The following MFSD6 variants were observed in gnomAD, a reference collection of about 807,000 sequenced individuals.
MFSD6 encodes major facilitator superfamily domain containing 6.
MFSD6 carries 26 observed loss-of-function variants against 56.3 expected under a neutral mutation model. That is an observed-to-expected ratio of 0.46 (90% CI 0.34 to 0.64). MFSD6 has a LOEUF of 0.64. Among genes scored for constraint, MFSD6 ranks in the 30% least tolerant of loss-of-function variants. The pLI, the probability that MFSD6 is intolerant of heterozygous loss-of-function variation, is 0.01. For synonymous variants in MFSD6, 331 were observed against 366.9 expected (o/e 0.90, Z 1.12); for missense variants, 750 against 986.2 (o/e 0.76, Z 3.21).
In MFSD6 at chr2:190,462,791, C is replaced by T. The variant is rs1352170515; in HGVS notation, c.1533-6967C>T. Among the ~76,000 whole-genome samples, 1 of 152,198 alleles carries T rather than the reference C, an allele frequency of 6.6e-6. No individual in the cohort carries two copies. Among genetic ancestry groups the T allele is most frequent in the Non-Finnish European group, 1.5e-5 (1 of 68,026 alleles). ...TTGGAAAAAGGGAGAGAGATACTGT[C>T]AGCCCTGCTACTTCTAGATAAGCAC... On this transcript the variant is annotated intron_variant, in intron 3 of 7. Coordinates refer to ENST00000392328, the MANE Select transcript of MFSD6 (RefSeq NM_017694.4). The surrounding 1 kb of genome is among the most constrained non-coding windows in gnomAD (Gnocchi z 5.7).
rs373567382 is a variant in MFSD6, at chr2:190,488,793, C to T, written c.1767C>T (p.Ile589=). The T allele has an allele frequency of 7.5e-6, 12 of 1,591,222 alleles. No homozygotes were observed. Among genetic ancestry groups the T allele is most frequent in the African/African-American group, 1.4e-5 (1 of 73,786 alleles). ...TGGGAAGAGGATGTGGTGCCATGAT[C>T]GGAGGCGTGTTAGTCAATTATTTTG... The part of the protein sequence containing the change: ...LGLGRGCGAM[I]GGVLVNYFGA... Residue 589 remains isoleucine, a synonymous_variant, in exon 5 of 8, where the codon ATC becomes ATT. Coordinates refer to ENST00000392328, the MANE Select transcript of MFSD6 (RefSeq NM_017694.4). The surrounding 1 kb of genome is among the most constrained non-coding windows in gnomAD (Gnocchi z 6.4).
chr2:190,489,965 A>C lies in MFSD6; in HGVS notation c.1891+99A>C. On this transcript the variant is annotated intron_variant, in intron 6 of 7. Transcript: ENST00000392328. The surrounding 1 kb of genome is among the most constrained non-coding windows in gnomAD (Gnocchi z 6.6). ...CTAGAAGTGGTACAGAGTATACAAC[A>C]GGTCTGTTTGGCTCAATTTTCTGAG... 4 of 995,658 alleles carry C rather than the reference A, an allele frequency of 4.0e-6. No individual in the cohort carries two copies. Among genetic ancestry groups the C allele is most frequent in the South Asian group, 1.8e-5 (1 of 54,622 alleles). The allele number at this position is 995,658 out of a possible 1,614,324, so 61.7% of individuals were successfully genotyped here. A position where few individuals can be genotyped will look rare whatever the true frequency, so the allele number is the denominator to read the frequency against.
rs1687929943 is a variant in MFSD6, at chr2:190,471,540, G to T, written c.1630+1685G>T. On this transcript the variant is annotated intron_variant, in intron 4 of 7. Coordinates refer to ENST00000392328, the MANE Select transcript of MFSD6 (RefSeq NM_017694.4). This position sits in a 1 kb window ranked among gnomAD's most constrained non-coding sequence, Gnocchi z 4.7. ...AACTGCAAGGCGGCAGTGAGGCTGG[G>T]GGAGGGGCACCCGCCATTGCTGAGG... 6.6e-6 allele frequency among the ~76,000 whole-genome samples: 1 copy of T among 152,226 alleles called. No individual in the cohort carries two copies. The highest frequency in any genetic ancestry group is 1.5e-5 in the Non-Finnish European group (1 of 68,042).
Position 190,499,775 on chromosome 2 carries a change from T to C in MFSD6, c.2173-240T>C. 6.8e-7 allele frequency: 1 copy of C among 1,461,744 alleles called. No homozygotes were observed. The highest frequency in any genetic ancestry group is 9.2e-7 in the Non-Finnish European group (1 of 1,089,960). The allele number at this position is 1,461,744 out of a possible 1,614,324, so 90.5% of individuals were successfully genotyped here. ...ACAGACATTTTGGTAGTAATGTTCC[T>C]TTTTCCACAAGACACGTCTGCTTAT... On this transcript the variant is annotated intron_variant, in intron 7 of 7. Coordinates refer to ENST00000392328, the MANE Select transcript of MFSD6 (RefSeq NM_017694.4). The surrounding 1 kb of genome is among the most constrained non-coding windows in gnomAD (Gnocchi z 6.0).
Position 190,459,806 on chromosome 2 carries a change from A to G in MFSD6, c.1533-9952A>G, listed in dbSNP as rs1687228820. On this transcript the variant is annotated intron_variant, in intron 3 of 7. Transcript: ENST00000392328. This position sits in a 1 kb window ranked among gnomAD's most constrained non-coding sequence, Gnocchi z 5.3. ...TGATTTCCAGCTAGTAGAGACTCAG[A>G]CCCAAATTACTTTTACCTTTTCTCT... Among the ~76,000 whole-genome samples, 1 of 152,232 alleles carries G rather than the reference A, an allele frequency of 6.6e-6. No homozygotes were observed. Among genetic ancestry groups the G allele is most frequent in the Admixed American group, 6.5e-5 (1 of 15,286 alleles).
chr2:190,486,532 A>G (rs1430159508), intron 4 of MFSD6, among the ~76,000 whole-genome samples: 1 of 152,176 alleles, frequency 6.6e-6, no homozygotes, highest in Non-Finnish European at 1.5e-5. Flanking sequence ...ATCAGTCAGT[A>G]AACTAAAGCT....
At chr2:190,455,202 T>C (rs1003691590) in intron 3 of MFSD6, among the ~76,000 whole-genome samples, 3 of 152,160 alleles carry the variant, frequency 2.0e-5, no homozygotes, top group South Asian at 2.1e-4. Flanking sequence ...ACTAGTATCA[T>C]TGCTATTTTA....
In MFSD6 at chr2:190,412,786, C is replaced by A. The variant is rs1284126964; in HGVS notation, c.-175-2506C>A. ...GAATGATACGTTATCCAGTACTTAG[C>A]CCCACTGCTGGATTCAGTAACATTT... On this transcript the variant is annotated intron_variant, in intron 1 of 7. Coordinates refer to ENST00000392328, the MANE Select transcript of MFSD6 (RefSeq NM_017694.4). This position sits in a 1 kb window ranked among gnomAD's most constrained non-coding sequence, Gnocchi z 4.1. Among the ~76,000 whole-genome samples the A allele has an allele frequency of 6.6e-6, 1 of 152,154 alleles. No individual in the cohort carries two copies. The highest frequency in any genetic ancestry group is 2.4e-5 in the African/African-American group (1 of 41,434).
chr2:190,466,680 T>C (rs913521831), intron 3 of MFSD6, among the ~76,000 whole-genome samples: 1 of 152,226 alleles, frequency 6.6e-6, no homozygotes, highest in African/African-American at 2.4e-5. Context: ...CCACTTGATA[T>C]ATGAGGAAAC....
At position 190,416,694 on chromosome 2, in the gene MFSD6, C is replaced by CA. The variant is rs1164806421; in HGVS notation, c.-54+1283dup. ...TAATGAAATATCTGGAATAAAACTA[C>CA]AACTACCAGCAACACCAAATGTTCA... On this transcript the variant is annotated intron_variant, in intron 2 of 7. Transcript: ENST00000392328. This position sits in a 1 kb window ranked among gnomAD's most constrained non-coding sequence, Gnocchi z 4.1. 1.2e-4 allele frequency among the ~76,000 whole-genome samples: 18 copies of CA among 152,166 alleles called. No individual in the cohort carries two copies. Among genetic ancestry groups the CA allele is most frequent in the Non-Finnish European group, 2.9e-5 (2 of 68,026 alleles).
rs1243739222 is a variant in MFSD6 at position 190,436,649 on chromosome 2, A to G, written c.620A>G (p.Asn207Ser). The part of the protein sequence containing the change: ...EKRNLLETRL[N>S]VSDTVTLPTA... Reference sequence around the variant, plus strand: ...AGAAACCTTTTGGAAACAAGGCTCAATGTCTCAGACACCGTTACTTTGCCA... The same window carrying G: ...AGAAACCTTTTGGAAACAAGGCTCAGTGTCTCAGACACCGTTACTTTGCCA... The change falls in exon 3 of 8, where the codon AAT (asparagine) becomes AGT (serine). Residue 207 changes from asparagine (N) to serine (S), a missense_variant. Asn to Ser is a conservative substitution (Grantham distance 46). Transcript: ENST00000392328. The surrounding 1 kb of genome is among the most constrained non-coding windows in gnomAD (Gnocchi z 5.3). The G allele has an allele frequency of 1.9e-6, 3 of 1,614,218 alleles. No individual in the cohort carries two copies. Among genetic ancestry groups the G allele is most frequent in the South Asian group, 1.1e-5 (1 of 91,088 alleles).
intron 2 of MFSD6, among the ~76,000 whole-genome samples, chr2:190,422,613 T>A (rs972457433): frequency 6.6e-6 from 1 of 152,204 alleles, no homozygotes; most frequent in African/African-American, 2.4e-5. Flanking sequence ...AAATATTTTA[T>A]ACTCTGAAAG....
intron 1 of MFSD6, chr2:190,411,712 AAAGG>A (rs1690573215): frequency 2.0e-6 from 2 of 985,316 alleles, no homozygotes; most frequent in Non-Finnish European, 2.4e-6. Flanking sequence ...GATCAAAGTG[AAAGG>A]TGGCATACTG....
Position 190,423,700 on chromosome 2 carries a change from A to G in MFSD6, c.-54+8287A>G, listed in dbSNP as rs1266097917. Among the ~76,000 whole-genome samples the G allele has an allele frequency of 6.6e-6, 1 of 152,170 alleles. No homozygotes were observed. The highest frequency in any genetic ancestry group is 1.5e-5 in the Non-Finnish European group (1 of 68,012). Reference sequence around the variant, plus strand: ...TTATGGTAATCATGTATTTAGTTTTATTAGAAACTGCTAAACTGCTTTCTA... The same window carrying G: ...TTATGGTAATCATGTATTTAGTTTTGTTAGAAACTGCTAAACTGCTTTCTA... On this transcript the variant is annotated intron_variant, in intron 2 of 7. Coordinates refer to ENST00000392328, the MANE Select transcript of MFSD6 (RefSeq NM_017694.4). The surrounding 1 kb of genome is among the most constrained non-coding windows in gnomAD (Gnocchi z 4.3).
chr2:190,478,226 T>A (rs1000648078), intron 4 of MFSD6, among the ~76,000 whole-genome samples: 2 of 152,180 alleles, frequency 1.3e-5, no homozygotes, highest in African/African-American at 4.8e-5. Flanking sequence ...GAAACCTAGC[T>A]ACTGGTCTGA....
rs1689291248 is a variant in MFSD6, at chr2:190,490,608, C to G, written c.1891+742C>G. On this transcript the variant is annotated intron_variant, in intron 6 of 7. Coordinates refer to ENST00000392328, the MANE Select transcript of MFSD6 (RefSeq NM_017694.4). The surrounding 1 kb of genome is among the most constrained non-coding windows in gnomAD (Gnocchi z 4.5). The stretch of plus-strand genomic sequence containing the variant: ...AGACAAAAATGTCAAGACCTGAAAT[C>G]TGAAGTTTTCTCTGAACCAGGGATG... 6.6e-6 allele frequency among the ~76,000 whole-genome samples: 1 copy of G among 151,914 alleles called. No individual in the cohort carries two copies. The highest frequency in any genetic ancestry group is 1.5e-5 in the Non-Finnish European group (1 of 67,962).
chr2:190,444,965 T>C (rs151148795), intron 3 of MFSD6: 1 of 525,644 alleles, frequency 1.9e-6, no homozygotes, highest in Non-Finnish European at 2.4e-6. Context: ...GTAACAAATT[T>C]AGAGCTAGTG....
chr2:190,453,785 A>G (rs1686870912), intron 3 of MFSD6, among the ~76,000 whole-genome samples: 1 of 152,200 alleles, frequency 6.6e-6, no homozygotes, highest in South Asian at 2.1e-4. Flanking sequence ...TGTTGCCCCA[A>G]ATAGCCTAAT....
At chr2:190,444,580 T>G (rs1160787598) in intron 3 of MFSD6, among the ~76,000 whole-genome samples, 1 of 152,228 alleles carries the variant, frequency 6.6e-6, no homozygotes, top group Non-Finnish European at 1.5e-5. Context: ...ATCGAAGTCA[T>G]CATTCTCCAC....
Sources: gnomAD v4.1 joint callset for allele counts (sites outside exome capture counted in the v4.1 genomes callset) on GRCh38, gnomAD v4.1.1 for gene constraint, Gnocchi (gnomAD v3.1) non-coding constraint, MANE v1.5 for transcripts, NCBI Gene and HGNC (gene_info 2026-07-23, HGNC 2026-07-21) for gene names.